AGMO: variants seen among roughly 807,000 people sequenced by gnomAD.
AGMO encodes alkylglycerol monooxygenase.
In AGMO, 75 loss-of-function variants were observed where a neutral mutation model predicts 60.2. The observed-to-expected ratio is 1.25, with a 90% CI of 1.03 to 1.51. AGMO has a LOEUF of 1.51. Ranked by LOEUF, AGMO falls within the 40% of genes most tolerant of loss-of-function variation. The pLI is 0.00. For synonymous variants in AGMO, 261 were observed against 177.1 expected (o/e 1.47, Z -3.76); for missense variants, 763 against 525.5 (o/e 1.45, Z -4.42).
chr7:15,533,531 C>T (rs1032956076), intron 3 of AGMO, among the ~76,000 whole-genome samples: 1 of 152,074 alleles, frequency 6.6e-6, no homozygotes, highest in African/African-American at 2.4e-5. Context: ...CATTTACATT[C>T]TTTGTTTTCT....
At chr7:15,346,311 G>C (rs1563099960) in intron 12 of AGMO, among the ~76,000 whole-genome samples, 1 of 152,056 alleles carries the variant, frequency 6.6e-6, no homozygotes, top group African/African-American at 2.4e-5. Flanking sequence ...ATTCCATTGG[G>C]AAAGAGGTAA....
intron 3 of AGMO, among the ~76,000 whole-genome samples, chr7:15,513,418 AT>A (rs1443225350): frequency 3.3e-5 from 5 of 151,936 alleles, no homozygotes; most frequent in Admixed American, 3.3e-4. Context: ...TATTTCTTCT[AT>A]TTCCCCAGAA....
At chr7:15,294,003 A>G (rs1282702407) in intron 12 of AGMO, among the ~76,000 whole-genome samples, 3 of 152,288 alleles carry the variant, frequency 2.0e-5, no homozygotes, top group South Asian at 2.1e-4. Flanking sequence ...ATAGCTTAAC[A>G]GTGACTAAAA....
At chr7:15,440,957 C>T (rs1781539754) in intron 3 of AGMO, among the ~76,000 whole-genome samples, 1 of 152,196 alleles carries the variant, frequency 6.6e-6, no homozygotes, top group African/African-American at 2.4e-5. Flanking sequence ...ATGGCCAAGA[C>T]CCAACAATTA....
intron 12 of AGMO, among the ~76,000 whole-genome samples, chr7:15,213,020 G>A (rs1781639132): frequency 6.6e-6 from 1 of 151,826 alleles, no homozygotes; most frequent in African/African-American, 2.4e-5. Flanking sequence ...TCCAAACTTG[G>A]CATTGAAAAT....
At chr7:15,255,365 A>G (rs901291782) in intron 12 of AGMO, among the ~76,000 whole-genome samples, 1 of 152,196 alleles carries the variant, frequency 6.6e-6, no homozygotes, top group Non-Finnish European at 1.5e-5. Context: ...CACAATAAAA[A>G]AAGTTTTTAA....
At chr7:15,267,481 C>G (rs943949931) in intron 12 of AGMO, among the ~76,000 whole-genome samples, 5 of 151,940 alleles carry the variant, frequency 3.3e-5, no homozygotes, top group Non-Finnish European at 5.9e-5. Flanking sequence ...ATGATTTTAT[C>G]CAATCCAATC....
chr7:15,433,031 CATTTTATAACTTATG>C (rs1781298652), intron 3 of AGMO, among the ~76,000 whole-genome samples: 1 of 152,016 alleles, frequency 6.6e-6, no homozygotes, highest in South Asian at 2.1e-4. Context: ...CACTGCTGAA[CATTTTATAACTTATG>C]ATTTTATAAC....
chr7:15,258,382 G>A (rs1432707183), intron 12 of AGMO, among the ~76,000 whole-genome samples: 1 of 150,946 alleles, frequency 6.6e-6, no homozygotes, highest in Non-Finnish European at 1.5e-5. Context: ...TTGATTCACT[G>A]TCTGTATTTA....
At chr7:15,484,402 T>A (rs569109392) in intron 3 of AGMO, among the ~76,000 whole-genome samples, 9 of 152,142 alleles carry the variant, frequency 5.9e-5, no homozygotes, top group Admixed American at 5.9e-4. Context: ...GTGGTCACAT[T>A]GAGGAGTTAA....
intron 3 of AGMO, among the ~76,000 whole-genome samples, chr7:15,485,614 C>A (rs1782898980): frequency 6.6e-6 from 1 of 152,116 alleles, no homozygotes; most frequent in Admixed American, 6.6e-5. Flanking sequence ...GAGATTATTT[C>A]TCCCATGTTT....
At chr7:15,462,796 A>ATTTT (rs1231744750) in intron 3 of AGMO, among the ~76,000 whole-genome samples, 1 of 152,204 alleles carries the variant, frequency 6.6e-6, no homozygotes, top group Non-Finnish European at 1.5e-5. Context: ...TCATAAATGA[A>ATTTT]TCCATGCAAA....
At chr7:15,321,822 G>A (rs1396855632) in intron 12 of AGMO, among the ~76,000 whole-genome samples, 1 of 151,920 alleles carries the variant, frequency 6.6e-6, no homozygotes, top group Non-Finnish European at 1.5e-5. Context: ...ATTCCCCATA[G>A]GCTAGTAAAT....
At chr7:15,280,081 T>C (rs1420275429) in intron 12 of AGMO, among the ~76,000 whole-genome samples, 1 of 151,870 alleles carries the variant, frequency 6.6e-6, no homozygotes, top group Non-Finnish European at 1.5e-5. Flanking sequence ...AGGGGGTGAG[T>C]GAGAAGCCTA....
chr7:15,463,778 G>A (rs1256762880), intron 3 of AGMO, among the ~76,000 whole-genome samples: 1 of 152,090 alleles, frequency 6.6e-6, no homozygotes, highest in African/African-American at 2.4e-5. Context: ...GAAGTATACA[G>A]AACTACTACA....
intron 12 of AGMO, among the ~76,000 whole-genome samples, chr7:15,310,625 T>A (rs973531385): frequency 1.3e-5 from 2 of 152,200 alleles, no homozygotes; most frequent in African/African-American, 4.8e-5. Flanking sequence ...AATATTTAAC[T>A]ACATTCTTTA....
chr7:15,176,145 C>G, the AGMO span, among the ~76,000 whole-genome samples: 1 of 151,938 alleles, frequency 6.6e-6, no homozygotes, highest in African/African-American at 2.4e-5. Flanking sequence ...AAGATTTATA[C>G]TTAATTTATC....
At chr7:15,455,284 C>T (rs1781972471) in intron 3 of AGMO, among the ~76,000 whole-genome samples, 1 of 152,088 alleles carries the variant, frequency 6.6e-6, no homozygotes, top group Admixed American at 6.6e-5. Flanking sequence ...TGTTTCTTCT[C>T]TACAATCTAT....
intron 3 of AGMO, among the ~76,000 whole-genome samples, chr7:15,486,120 A>T (rs1243109173): frequency 6.6e-6 from 1 of 152,144 alleles, no homozygotes; most frequent in Non-Finnish European, 1.5e-5. Context: ...ACATTTGGAG[A>T]TAACGCAAAC....
Sources: allele counts gnomAD v4.1 joint callset (sites outside exome capture counted in the v4.1 genomes callset), GRCh38; gene constraint gnomAD v4.1.1; transcripts MANE v1.5; gene names NCBI Gene and HGNC (gene_info 2026-07-23, HGNC 2026-07-21).